Variants in SAMD5 observed in about 807,000 individuals in gnomAD.
The protein encoded by SAMD5 is sterile alpha motif domain containing 5, also known as sterile alpha motif domain-containing protein 5.
In SAMD5, 13 loss-of-function variants were observed where a neutral mutation model predicts 11.3. The ratio of observed to expected loss-of-function variants is 1.15; its 90% CI spans 0.75 to 1.83. The LOEUF is 1.83. Ranked by LOEUF, SAMD5 falls within the 40% of genes most tolerant of loss-of-function variation. The probability of loss-of-function intolerance (pLI) is 0.00; values close to 1 mark genes in which losing one functional copy is unlikely to be tolerated. For synonymous variants in SAMD5, 129 were observed against 111.3 expected, an observed-to-expected ratio of 1.16 and a Z score of -1.00; for missense variants, 255 against 239.1, an observed-to-expected ratio of 1.07 and a Z score of -0.44.
chr6:147,611,887 C>A (rs1393542737), intron 1 of SAMD5, among the ~76,000 whole-genome samples: 1 of 152,150 alleles, frequency 6.6e-6, no homozygotes, highest in Non-Finnish European at 1.5e-5. Flanking sequence ...GGGAAAAGGA[C>A]AATTGTCATT....
In SAMD5 at chr6:147,722,279, G is replaced by GT. The variant is rs756923260; in HGVS notation, c.163-15028dup. Among the ~76,000 whole-genome samples, 1,284 of 148,790 alleles carry GT rather than the reference G, an allele frequency of 8.6e-3. 12 individuals are homozygous for GT. Among genetic ancestry groups the GT allele is most frequent in the East Asian group, 0.035 (177 of 5,106 alleles). ...TCATTCCAGTATATAGTCGATTTGT[G>GT]TTTTTTTTTTCCCAAAGAATAATTA... On this transcript the variant is annotated intron_variant, in intron 1 of 1. Transcript: ENST00000566741.
At chr6:147,648,850 C>T (rs528371825) in intron 1 of SAMD5, among the ~76,000 whole-genome samples, 1 of 152,314 alleles carries the variant, frequency 6.6e-6, no homozygotes, top group East Asian at 1.9e-4. Context: ...AAGGCACTGG[C>T]CAATGATGCT....
the SAMD5 span, among the ~76,000 whole-genome samples, chr6:147,914,422 A>G: frequency 6.6e-6 from 1 of 152,184 alleles, no homozygotes; most frequent in African/African-American, 2.4e-5. Context: ...GGACAATTTG[A>G]GTAGCAAAAG....
the SAMD5 span, among the ~76,000 whole-genome samples, chr6:147,951,943 G>A: frequency 6.6e-6 from 1 of 152,162 alleles, no homozygotes; most frequent in Non-Finnish European, 1.5e-5. Flanking sequence ...ATTTAACGCA[G>A]GGGGGCCATA....
the SAMD5 span, among the ~76,000 whole-genome samples, chr6:147,843,016 C>G: frequency 1.3e-5 from 2 of 152,104 alleles, no homozygotes; most frequent in Non-Finnish European, 2.9e-5. Flanking sequence ...CCTGCCACCA[C>G]GCCTAGCTAA....
At chr6:147,864,866 A>G in the SAMD5 span, among the ~76,000 whole-genome samples, 1 of 152,194 alleles carries the variant, frequency 6.6e-6, no homozygotes, top group Non-Finnish European at 1.5e-5. Flanking sequence ...TCTGTGCCCT[A>G]CAGCTGGTAG....
chr6:147,702,771 C>G (rs149845590), intron 1 of SAMD5, among the ~76,000 whole-genome samples: 1 of 151,890 alleles, frequency 6.6e-6, no homozygotes. Flanking sequence ...GAGCTGCTGG[C>G]CTCTGATATT....
the SAMD5 span, among the ~76,000 whole-genome samples, chr6:147,904,892 T>A: frequency 4.0e-5 from 1 of 24,798 alleles, no homozygotes; most frequent in African/African-American, 3.4e-4. Context: ...ACTTTATGCC[T>A]TTTTTTTTTT....
At chr6:147,855,656 A>C in the SAMD5 span, among the ~76,000 whole-genome samples, 44 of 152,256 alleles carry the variant, frequency 2.9e-4, no homozygotes, top group African/African-American at 9.4e-4. Context: ...GTTTGGGTTC[A>C]CGTGGCTAAG....
rs187625978 is a variant in SAMD5 at position 147,630,369 on chromosome 6, G to A, written c.163-106948G>A. On this transcript the variant is annotated intron_variant, in intron 1 of 1. Transcript: ENST00000566741. ...TGAGAGAGACTTGTGACAAGACTGT[G>A]GTGTTTGTCAGGCCTCTGAGTCCAA... is the stretch of plus-strand genomic sequence containing the variant. 5.3e-5 allele frequency among the ~76,000 whole-genome samples: 8 copies of A among 152,262 alleles called. No homozygotes were observed. The East Asian group carries it at 1.5e-3, about 29-fold the overall frequency.
At chr6:147,911,356 A>T in the SAMD5 span, among the ~76,000 whole-genome samples, 12 of 152,246 alleles carry the variant, frequency 7.9e-5, no homozygotes, top group Non-Finnish European at 1.5e-4. Flanking sequence ...AAAACTTTAG[A>T]TCTCCACCAT....
chr6:147,705,929 G>C (rs940505788), intron 1 of SAMD5, among the ~76,000 whole-genome samples: 1 of 152,122 alleles, frequency 6.6e-6, no homozygotes, highest in Non-Finnish European at 1.5e-5. Flanking sequence ...CCTTTTAGTG[G>C]GTTGAAGTTT....
chr6:147,870,011 G>T, the SAMD5 span, among the ~76,000 whole-genome samples: 88 of 152,122 alleles, frequency 5.8e-4, no homozygotes, highest in Middle Eastern at 0.014. Flanking sequence ...CACCACGCCC[G>T]GCCAATATAA....
the SAMD5 span, among the ~76,000 whole-genome samples, chr6:147,941,856 T>G: frequency 7.5e-5 from 6 of 79,808 alleles, no homozygotes; most frequent in African/African-American, 2.2e-4. Flanking sequence ...GAAGTTGGTT[T>G]GTTTGTTTGT....
At chr6:147,909,024 C>T in the SAMD5 span, among the ~76,000 whole-genome samples, 2,512 of 152,214 alleles carry the variant, frequency 0.017, 74 homozygotes, top group African/African-American at 0.057. Flanking sequence ...ACCTGGGCAA[C>T]ATAGAGAGAC....
chr6:147,716,078 C>A (rs1356951192), intron 1 of SAMD5, among the ~76,000 whole-genome samples: 1 of 152,160 alleles, frequency 6.6e-6, no homozygotes, highest in Non-Finnish European at 1.5e-5. Context: ...GGACCTGCCC[C>A]CTTCCACTCC....
intron 1 of SAMD5, among the ~76,000 whole-genome samples, chr6:147,585,966 A>C (rs934887955): frequency 1.3e-5 from 2 of 152,182 alleles, no homozygotes; most frequent in African/African-American, 4.8e-5. Context: ...TTCATGTCGC[A>C]GTTCAGAGCA....
the SAMD5 span, among the ~76,000 whole-genome samples, chr6:147,924,057 C>T: frequency 2.6e-4 from 39 of 152,250 alleles, no homozygotes; most frequent in African/African-American, 7.7e-4. Flanking sequence ...AATGGCTGCC[C>T]GCTTCCCTTC....
At chr6:147,916,129 C>A in the SAMD5 span, among the ~76,000 whole-genome samples, 1 of 152,044 alleles carries the variant, frequency 6.6e-6, no homozygotes, top group African/African-American at 2.4e-5. Context: ...ATAGGTGCCA[C>A]ATTTTCTTAA....
Sources: gnomAD v4.1 joint callset for allele counts (sites outside exome capture counted in the v4.1 genomes callset) on GRCh38, gnomAD v4.1.1 for gene constraint, MANE v1.5 for transcripts, NCBI Gene and HGNC (gene_info 2026-07-23, HGNC 2026-07-21) for gene names.